The following WDR3 variants were observed in gnomAD, a reference collection of about 807,000 sequenced individuals.
WDR3 encodes WD repeat-containing protein 3.
Under a neutral mutation model 123.7 loss-of-function variants are expected in WDR3, and 81 were observed. That is an observed-to-expected ratio of 0.65 (90% CI 0.55 to 0.79). The LOEUF is 0.79. WDR3 is among the 30% of genes least tolerant of loss of function. WDR3 has a pLI of 0.00. For missense variants in WDR3, 1,027 were observed against 1,123.2 expected, an observed-to-expected ratio of 0.91 and a Z score of 1.22; for synonymous variants, 390 against 388.8, an observed-to-expected ratio of 1.00 and a Z score of -0.04.
Position 117,952,386 on chromosome 1 carries a change from T to G in WDR3, c.1994T>G (p.Phe665Cys). The stretch of plus-strand genomic sequence containing the variant: ...ATTAAACAGTGGGATGCAGACAAAT[T>G]TGAACACATACAGACTCTGGAGGTA... ...HKIKQWDADKFEHIQTLEGHH... is the reference protein window; with the variant it reads ...HKIKQWDADKCEHIQTLEGHH... The change falls in exon 18 of 27, where the codon TTT (phenylalanine) becomes TGT (cysteine). Residue 665 changes from phenylalanine to cysteine, a missense_variant. Transcript: ENST00000349139. 1.2e-6 allele frequency: 2 copies of G among 1,613,232 alleles called. No homozygotes were observed. The highest frequency in any genetic ancestry group is 1.7e-6 in the Non-Finnish European group (2 of 1,179,498).
intron 7 of WDR3, 64 bp downstream of exon 7, chr1:117,941,004 TTTTAGGGAATCATCAC>T: frequency 6.4e-7 from 1 of 1,574,576 alleles, no homozygotes; most frequent in Non-Finnish European, 8.7e-7. Flanking sequence ...AATTGCAGAT[TTTTAGGGAATCATCAC>T]TTTAGGGAAT....
chr1:117,947,810 C>G (rs2101213936), intron 12 of WDR3, among the ~76,000 whole-genome samples: 1 of 152,320 alleles, frequency 6.6e-6, no homozygotes, highest in African/African-American at 2.4e-5. Context: ...GTGTGTGTTA[C>G]ATGCTGACAC....
At chr1:117,933,594 G>C (rs1393692120) in intron 2 of WDR3, 104 bp downstream of exon 2, 1 of 1,480,086 alleles carries the variant, frequency 6.8e-7, no homozygotes, top group Non-Finnish European at 9.3e-7. Context: ...GTTTTTTTGT[G>C]TCTGTGCCCT....
intron 15 of WDR3, 72 bp downstream of exon 15, chr1:117,950,202 A>T: frequency 1.3e-6 from 2 of 1,583,164 alleles, no homozygotes; most frequent in Non-Finnish European, 1.7e-6. Context: ...TTGAGGCTAT[A>T]AAGAAGTGGC....
intron 11 of WDR3, among the ~76,000 whole-genome samples, chr1:117,944,032 A>G (rs1166844295): frequency 2.6e-5 from 4 of 152,162 alleles, no homozygotes; most frequent in Non-Finnish European, 4.4e-5. Flanking sequence ...CTTGAAGCTA[A>G]TGATCATATC....
rs994033714 is a variant in WDR3 at position 117,952,647 on chromosome 1, G to A, written c.2136G>A (p.Glu712=). 6.8e-6 allele frequency: 11 copies of A among 1,612,570 alleles called. No individual in the cohort carries two copies. The highest frequency in any genetic ancestry group is 9.3e-6 in the Non-Finnish European group (11 of 1,179,346). The change falls in exon 19 of 27, where the codon GAG becomes GAA. Residue 712 remains glutamate, a synonymous_variant. Coordinates refer to ENST00000349139, the MANE Select transcript of WDR3 (RefSeq NM_006784.3). ...WERTREPLIL[E]EEREMEREAE... ...GAACAAGGGAGCCTCTTATTCTTGAGGAAGAAAGGGAGATGGTAAGAACTT... is the reference window on the plus strand; with the variant it reads ...GAACAAGGGAGCCTCTTATTCTTGAAGAAGAAAGGGAGATGGTAAGAACTT...
At chr1:117,943,028 G>T (rs981417992) in intron 10 of WDR3, among the ~76,000 whole-genome samples, 1 of 151,386 alleles carries the variant, frequency 6.6e-6, no homozygotes, top group Non-Finnish European at 1.5e-5. Context: ...TCTCGGCTCA[G>T]TGCAACCTCC....
intron 3 of WDR3, 73 bp downstream of exon 3, chr1:117,934,755 CA>C: frequency 1.3e-6 from 2 of 1,509,494 alleles, no homozygotes. Context: ...AAGTTGTTGA[CA>C]AAAATTGTCA....
intron 23 of WDR3, chr1:117,955,001 G>T (rs113352337): frequency 6.8e-5 from 26 of 379,790 alleles, no homozygotes; most frequent in African/African-American, 3.5e-4. Context: ...AAGAGTGATG[G>T]GAGAATGTAT....
In WDR3 at chr1:117,963,136, C is replaced by T. The variant is rs946530491; in HGVS notation, c.*3689C>T. ...CACAGTACACATTGTGTAACAGTCA[C>T]TGAGCCCAACTCTTACATAGGGCCT... is the stretch of plus-strand genomic sequence containing the variant. On this transcript the variant is annotated 3_prime_UTR_variant, in exon 27 of 27. Coordinates refer to ENST00000349139, the MANE Select transcript of WDR3 (RefSeq NM_006784.3). 1 of 152,182 alleles carries T rather than the reference C, an allele frequency of 6.6e-6. No homozygotes were observed. The allele number at this position is 152,182 out of a possible 1,614,324, so 9.4% of individuals were successfully genotyped here.
intron 25 of WDR3, 119 bp from the exon 26 acceptor site, chr1:117,958,791 A>G: frequency 1.6e-6 from 1 of 637,138 alleles, no homozygotes; most frequent in Non-Finnish European, 2.5e-6. Flanking sequence ...TTTGCTCGAA[A>G]CATTTCTATA....
intron 21 of WDR3, 32 bp downstream of exon 21, chr1:117,953,573 T>C (rs761866562): frequency 5.6e-6 from 9 of 1,598,806 alleles, no homozygotes; most frequent in Non-Finnish European, 7.7e-6. Context: ...TATCTCGTTT[T>C]TTAATAAGAT....
intron 16 of WDR3, among the ~76,000 whole-genome samples, 160 bp downstream of exon 16, chr1:117,951,050 CTT>C (rs1373801047): frequency 6.6e-6 from 1 of 151,658 alleles, no homozygotes; most frequent in Non-Finnish European, 1.5e-5. Context: ...TATATTGTAT[CTT>C]ATATATATTA....
chr1:117,933,090 G>A lies in WDR3; in HGVS notation c.-32-198G>A, dbSNP rs546914255. ...ATGGTGGCACATGCCTGTAGTCCCA[G>A]CTACTCGGGAGGCTGAGGCAGGAGA... is the stretch of plus-strand genomic sequence containing the variant. On this transcript the variant is annotated intron_variant, in intron 1 of 26. Transcript: ENST00000349139. Among the ~76,000 whole-genome samples, 384 of 151,544 alleles carry A rather than the reference G, an allele frequency of 2.5e-3. 2 individuals are homozygous for A. Among genetic ancestry groups the A allele is most frequent in the African/African-American group, 8.8e-3 (365 of 41,254 alleles).
intron 1 of WDR3, among the ~76,000 whole-genome samples, chr1:117,931,648 A>G (rs1650739455): frequency 6.6e-6 from 1 of 152,204 alleles, no homozygotes; most frequent in South Asian, 2.1e-4. Flanking sequence ...TAGGCATGCT[A>G]TATGAATTCT....
chr1:117,944,203 G>A (rs1212382453), intron 11 of WDR3, among the ~76,000 whole-genome samples: 1 of 152,110 alleles, frequency 6.6e-6, no homozygotes, highest in Admixed American at 6.6e-5. Flanking sequence ...CAGTGATCTT[G>A]TTTCCAAATC....
At chr1:117,953,604 T>C in intron 21 of WDR3, 63 bp downstream of exon 21, 1 of 1,562,908 alleles carries the variant, frequency 6.4e-7, no homozygotes. Flanking sequence ...TAGTAAAAGT[T>C]TTATTCTGTA....
chr1:117,933,826 G>A, intron 2 of WDR3: 1 of 298,762 alleles, frequency 3.3e-6, no homozygotes, highest in Non-Finnish European at 6.5e-6. Flanking sequence ...CTTATAGCTG[G>A]TTATAAAATA....
In WDR3 at chr1:117,952,529, G is replaced by A. The variant is rs1175368602; in HGVS notation, c.2018G>A (p.Gly673Asp). The A allele has an allele frequency of 6.2e-7, 1 of 1,608,994 alleles. No individual in the cohort carries two copies. Among genetic ancestry groups the A allele is most frequent in the East Asian group, 2.2e-5 (1 of 44,848 alleles). ...CTTTATTTTTTTTTTCTCCTCCAGG[G>A]TCATCACCAGGAAATATGGTGTTTG... ...DKFEHIQTLEGHHQEIWCLAV... is the reference protein window; with the variant it reads ...DKFEHIQTLEDHHQEIWCLAV... The change falls in exon 19 of 27, where the codon GGT becomes GAT. Residue 673 changes from glycine to aspartate, a missense_variant and splice_region_variant. Transcript: ENST00000349139.
Sources: gnomAD v4.1 joint callset for allele counts (sites outside exome capture counted in the v4.1 genomes callset) on GRCh38, gnomAD v4.1.1 for gene constraint, MANE v1.5 for transcripts, NCBI Gene and HGNC (gene_info 2026-07-23, HGNC 2026-07-21) for gene names.